SYNPO: variants seen among roughly 807,000 people sequenced by gnomAD.
SYNPO encodes synaptopodin.
SYNPO carries 19 observed loss-of-function variants against 49.5 expected under a neutral mutation model. The ratio of observed to expected loss-of-function variants is 0.38; its 90% CI spans 0.27 to 0.56. SYNPO has a LOEUF of 0.56. Ranked by LOEUF, SYNPO falls within the 20% of genes least tolerant of loss-of-function variation. The probability of loss-of-function intolerance (pLI) is 0.68; values close to 1 mark genes in which losing one functional copy is unlikely to be tolerated. For synonymous variants in SYNPO, 536 were observed against 548.0 expected (o/e 0.98, Z 0.31); for missense variants, 1,131 against 1,248.3 (o/e 0.91, Z 1.42).
At chr5:150,630,080 C>G (rs1223721169) in intron 2 of SYNPO, among the ~76,000 whole-genome samples, 1 of 152,142 alleles carries the variant, frequency 6.6e-6, no homozygotes, top group African/African-American at 2.4e-5. Context: ...GTCCGGGGCT[C>G]TGAGATTGGC....
the SYNPO span, among the ~76,000 whole-genome samples, chr5:150,595,807 T>TC: frequency 4.5e-5 from 1 of 22,216 alleles, no homozygotes; most frequent in Non-Finnish European, 1.0e-4. Flanking sequence ...CCCAGCCCAC[T>TC]CCCCCCTCAT....
exon 2 of SYNPO, chr5:150,618,717 T>C (rs1054638973): frequency 1.0e-5 from 16 of 1,548,476 alleles, no homozygotes; most frequent in Non-Finnish European, 1.4e-5. Context: ...GGGCAGATGA[T>C]GACAGCCAGC....
upstream of SYNPO, among the ~76,000 whole-genome samples, chr5:150,639,347 C>T (rs1435313666): frequency 6.6e-6 from 1 of 152,246 alleles, no homozygotes; most frequent in Non-Finnish European, 1.5e-5. Context: ...GTTTTCTCAA[C>T]CTGCCGTTTC....
chr5:150,610,759 A>C (rs184982045), intron 1 of SYNPO, among the ~76,000 whole-genome samples: 2 of 152,336 alleles, frequency 1.3e-5, no homozygotes, highest in East Asian at 3.9e-4. Flanking sequence ...GAGATGCTCT[A>C]CCAATAACGA....
At chr5:150,588,614 T>G in the SYNPO span, among the ~76,000 whole-genome samples, 6 of 143,894 alleles carry the variant, frequency 4.2e-5, no homozygotes, top group South Asian at 2.2e-4. Context: ...TCTAGGAGAG[T>G]GGGGGAGAAA....
chr5:150,621,285 C>T lies in SYNPO; in HGVS notation c.400+2518C>T, dbSNP rs142838647. 4.0e-3 allele frequency among the ~76,000 whole-genome samples: 607 copies of T among 152,270 alleles called. 4 individuals are homozygous for T. The highest frequency in any genetic ancestry group is 0.011 in the Admixed American group (164 of 15,294). On this transcript the variant is annotated intron_variant, in intron 2 of 2. Transcript: ENST00000394243. ...TTTCTTTACTGTCCAGCCAGTCTGT[C>T]ATCCAGTTCTGTCCTAGAATATTTC...
chr5:150,595,701 G>T, the SYNPO span, among the ~76,000 whole-genome samples: 1 of 152,242 alleles, frequency 6.6e-6, no homozygotes, highest in Non-Finnish European at 1.5e-5. Context: ...TGCAGACTGT[G>T]CTGGCCTTCG....
chr5:150,649,591 G>A lies in SYNPO; in HGVS notation c.1316G>A (p.Arg439Lys). ...NFQQEPAPRD[R>K]ASPAAAEEVV... ...CAGCAGGAGCCAGCACCTCGTGACA[G>A]GGCCAGCCCCGCGGCGGCGGAGGAG... The change falls in exon 2 of 3, where the codon AGG becomes AAG. Residue 439 changes from arginine (R) to lysine (K), a missense_variant. Arg to Lys is a conservative substitution (Grantham distance 26, BLOSUM62 2). Around this residue, in one of 4 missense-constraint regions of SYNPO, gnomAD observed 602 missense variants for 720.7 expected, o/e 0.84. Coordinates refer to ENST00000307662, the MANE Select transcript of SYNPO (RefSeq NM_007286.6). 1 of 1,610,170 alleles carries A rather than the reference G, an allele frequency of 6.2e-7. No homozygotes were observed. The highest frequency in any genetic ancestry group is 1.1e-5 in the South Asian group (1 of 90,922).
chr5:150,629,966 T>C (rs2151386099), intron 2 of SYNPO, among the ~76,000 whole-genome samples: 1 of 151,864 alleles, frequency 6.6e-6, no homozygotes, highest in East Asian at 1.9e-4. Context: ...TGCCAGGGGC[T>C]CAGAAAAAGC....
intron 2 of SYNPO, chr5:150,651,598 T>C: frequency 1.0e-6 from 1 of 1,003,224 alleles, no homozygotes. Flanking sequence ...TGGGCTGGGC[T>C]GGGCTGGGCT....
At chr5:150,609,683 G>GT (rs1370087074) in intron 1 of SYNPO, among the ~76,000 whole-genome samples, 2 of 151,052 alleles carry the variant, frequency 1.3e-5, no homozygotes, top group Admixed American at 6.7e-5. Context: ...ATAAAAAGCA[G>GT]TATGTTATCA....
chr5:150,591,728 A>G, the SYNPO span, among the ~76,000 whole-genome samples: 2 of 152,250 alleles, frequency 1.3e-5, no homozygotes, highest in Non-Finnish European at 2.9e-5. Context: ...ATAAAATACA[A>G]TAAAAACAAA....
intron 1 of SYNPO, among the ~76,000 whole-genome samples, chr5:150,603,762 G>A (rs1756614825): frequency 6.6e-6 from 1 of 152,218 alleles, no homozygotes. Context: ...CCTGATCCCT[G>A]ACCCTGACAT....
chr5:150,603,368 C>T (rs1307785420), intron 1 of SYNPO, among the ~76,000 whole-genome samples: 1 of 152,234 alleles, frequency 6.6e-6, no homozygotes, highest in Admixed American at 6.5e-5. Context: ...TGCAAGGGTT[C>T]TGGGGGGGCC....
At position 150,621,982 on chromosome 5, in the gene SYNPO, G is replaced by A. The variant is rs151059641; in HGVS notation, c.400+3215G>A. On this transcript the variant is annotated intron_variant, in intron 2 of 2. Transcript: ENST00000394243. Reference sequence around the variant, plus strand: ...GTCTCAGCTGGTCATAACTGGTAGCGTTTCTTGAGATTGTTGTGCAGATGG... The same window carrying A: ...GTCTCAGCTGGTCATAACTGGTAGCATTTCTTGAGATTGTTGTGCAGATGG... Among the ~76,000 whole-genome samples the A allele has an allele frequency of 4.3e-3, 660 of 152,292 alleles. 4 individuals are homozygous for A. The highest frequency in any genetic ancestry group is 0.015 in the African/African-American group (629 of 41,556).
In SYNPO at chr5:150,649,259, C is replaced by G. The variant is rs144786636; in HGVS notation, c.984C>G (p.Ala328=). 1.2e-6 allele frequency: 2 copies of G among 1,614,214 alleles called. No homozygotes were observed. Among genetic ancestry groups the G allele is most frequent in the East Asian group, 2.2e-5 (1 of 44,874 alleles). Residue 328 remains alanine, a synonymous_variant, in exon 2 of 3, where the codon GCC becomes GCG. Transcript: ENST00000307662. ...CCTACACTGAGACCTTGTCCACAGC[C>G]CCTCTGGCTTCCTGGGTGAGGTCTC... The part of the protein sequence containing the change: ...PPTYTETLST[A]PLASWVRSPP...
intron 2 of SYNPO, among the ~76,000 whole-genome samples, chr5:150,625,370 C>G (rs1460849555): frequency 6.6e-6 from 1 of 152,158 alleles, no homozygotes; most frequent in African/African-American, 2.4e-5. Flanking sequence ...GTGGGGGCAG[C>G]GGGAACGGCC....
upstream of SYNPO, among the ~76,000 whole-genome samples, chr5:150,637,688 C>A (rs1757763436): frequency 6.6e-6 from 1 of 152,212 alleles, no homozygotes; most frequent in South Asian, 2.1e-4. Context: ...ACCCCATGTG[C>A]GGTGACTTTG....
Position 150,648,876 on chromosome 5 carries a change from C to G in SYNPO, c.601C>G (p.Leu201Val). The G allele has an allele frequency of 2.5e-6, 4 of 1,614,244 alleles. No homozygotes were observed. The highest frequency in any genetic ancestry group is 2.5e-6 in the Non-Finnish European group (3 of 1,180,044). ...SLLIDIQPNT[L>V]VVSADQEMSG... ...GCTCATTGACATCCAGCCCAACACCCTAGTGGTGTCAGCAGATCAAGAGAT... is the reference window on the plus strand; with the variant it reads ...GCTCATTGACATCCAGCCCAACACCGTAGTGGTGTCAGCAGATCAAGAGAT... Residue 201 changes from leucine (L) to valine (V), a missense_variant, in exon 2 of 3, where the codon CTA (leucine) becomes GTA (valine). Around this residue, in one of 4 missense-constraint regions of SYNPO, gnomAD observed 602 missense variants for 720.7 expected, o/e 0.84. Transcript: ENST00000307662. This position sits in a 1 kb window ranked among gnomAD's most constrained non-coding sequence, Gnocchi z 5.0.
Sources: allele counts gnomAD v4.1 joint callset (sites outside exome capture counted in the v4.1 genomes callset), GRCh38; gene constraint gnomAD v4.1.1; regional missense constraint gnomAD v4.1.1; non-coding constraint Gnocchi (gnomAD v3.1); transcripts MANE v1.5; gene names NCBI Gene and HGNC (gene_info 2026-07-23, HGNC 2026-07-21).